The following FSTL5 variants were observed in gnomAD, a reference collection of about 807,000 sequenced individuals.
The protein encoded by FSTL5 is follistatin-related protein 5.
FSTL5 carries 62 observed loss-of-function variants against 89.1 expected under a neutral mutation model. That is an observed-to-expected ratio of 0.70 (90% CI 0.57 to 0.86). The LOEUF is 0.86. Ranked by LOEUF, FSTL5 falls within the 40% of genes least tolerant of loss-of-function variation. The pLI, the probability that FSTL5 is intolerant of heterozygous loss-of-function variation, is 0.00. For missense variants in FSTL5, 1,057 were observed against 1,001.6 expected, an observed-to-expected ratio of 1.06 and a Z score of -0.75; for synonymous variants, 383 against 346.2, an observed-to-expected ratio of 1.11 and a Z score of -1.18.
chr4:161,740,289 G>A (rs986674443), intron 6 of FSTL5, among the ~76,000 whole-genome samples: 2 of 151,950 alleles, frequency 1.3e-5, no homozygotes, highest in African/African-American at 4.8e-5. Flanking sequence ...CAAAGTGCTG[G>A]GATTACAGGT....
At chr4:161,493,246 G>T (rs1030649726) in intron 12 of FSTL5, among the ~76,000 whole-genome samples, 1 of 151,644 alleles carries the variant, frequency 6.6e-6, no homozygotes, top group East Asian at 1.9e-4. Context: ...TATTTAGAAA[G>T]AAAAAGTTAT....
Position 161,459,295 on chromosome 4 carries a change from C to G in FSTL5, c.1633G>C (p.Val545Leu). 2 of 1,612,990 alleles carry G rather than the reference C, an allele frequency of 1.2e-6. No individual in the cohort carries two copies. Among genetic ancestry groups the G allele is most frequent in the Non-Finnish European group, 1.7e-6 (2 of 1,179,196 alleles). The change falls in exon 14 of 16, where the codon GTT (valine) becomes CTT (leucine). Residue 545 changes from valine to leucine, a missense_variant. Transcript: ENST00000306100. Reference protein sequence around the residue: ...VQAVSTDPVPVKLHYDKSHDQ... With the variant: ...VQAVSTDPVPLKLHYDKSHDQ... ...TGTGATTTGTCATAGTGTAATTTAACTGGGACAGGGTCTGTGCTCACTGCC... is the reference window on the plus strand; with the variant it reads ...TGTGATTTGTCATAGTGTAATTTAAGTGGGACAGGGTCTGTGCTCACTGCC...
intron 4 of FSTL5, among the ~76,000 whole-genome samples, chr4:161,802,984 T>C (rs184705530): frequency 2.6e-5 from 4 of 151,922 alleles, no homozygotes; most frequent in African/African-American, 9.7e-5. Context: ...ACACACATAT[T>C]GAGCTTTTTG....
At chr4:161,668,268 G>C (rs56261280) in intron 6 of FSTL5, among the ~76,000 whole-genome samples, 9,449 of 152,094 alleles carry the variant, frequency 0.062, 388 homozygotes, top group East Asian at 0.21. Context: ...TGATAACCTA[G>C]GTTAAATGGA....
intron 2 of FSTL5, among the ~76,000 whole-genome samples, chr4:162,059,333 G>T (rs572255740): frequency 1.3e-5 from 2 of 152,082 alleles, no homozygotes; most frequent in African/African-American, 4.8e-5. Flanking sequence ...AGGACATCAC[G>T]CATGGTAGAA....
chr4:161,860,667 A>G (rs1467325750), intron 4 of FSTL5, among the ~76,000 whole-genome samples: 1 of 152,140 alleles, frequency 6.6e-6, no homozygotes, highest in Non-Finnish European at 1.5e-5. Flanking sequence ...AGTTTTTTAC[A>G]TTTATATTCT....
At chr4:161,840,513 CA>C (rs1266991527) in intron 4 of FSTL5, among the ~76,000 whole-genome samples, 1 of 152,094 alleles carries the variant, frequency 6.6e-6, no homozygotes, top group African/African-American at 2.4e-5. Flanking sequence ...TTTTCATTCT[CA>C]AGACTAATCC....
chr4:161,794,400 T>C (rs760312221), intron 4 of FSTL5, among the ~76,000 whole-genome samples: 3 of 152,224 alleles, frequency 2.0e-5, no homozygotes, highest in Non-Finnish European at 4.4e-5. Context: ...TCACTCACAT[T>C]GGCCTAGTAG....
At chr4:162,006,638 C>T (rs1183525496) in intron 3 of FSTL5, among the ~76,000 whole-genome samples, 7 of 151,928 alleles carry the variant, frequency 4.6e-5, no homozygotes, top group South Asian at 2.1e-4. Context: ...TCTAAATCTC[C>T]GGTATTACTC....
intron 15 of FSTL5, among the ~76,000 whole-genome samples, chr4:161,409,704 C>T (rs1157487196): frequency 6.6e-6 from 1 of 152,142 alleles, no homozygotes; most frequent in African/African-American, 2.4e-5. Flanking sequence ...ACTAGACCAT[C>T]TTTACAAAAG....
chr4:161,663,549 T>C (rs1013188664), intron 6 of FSTL5, among the ~76,000 whole-genome samples: 6 of 152,122 alleles, frequency 3.9e-5, no homozygotes, highest in Non-Finnish European at 8.8e-5. Context: ...TGGGATCCCA[T>C]GGTCTTGGTC....
chr4:161,521,842 C>G (rs1030254080), intron 10 of FSTL5, among the ~76,000 whole-genome samples: 1 of 112,188 alleles, frequency 8.9e-6, no homozygotes, highest in Non-Finnish European at 1.7e-5. Context: ...GAGCAGGACT[C>G]CACCTCAAAA....
chr4:161,404,579 T>C (rs949299028), intron 15 of FSTL5, among the ~76,000 whole-genome samples: 1 of 152,110 alleles, frequency 6.6e-6, no homozygotes, highest in African/African-American at 2.4e-5. Context: ...TATTTATTCG[T>C]TGGCTTTCAG....
At chr4:161,767,383 G>T (rs1741049689) in intron 5 of FSTL5, among the ~76,000 whole-genome samples, 1 of 152,170 alleles carries the variant, frequency 6.6e-6, no homozygotes, top group Non-Finnish European at 1.5e-5. Context: ...ATTCTTTCAA[G>T]AAAGAAAGTT....
intron 7 of FSTL5, among the ~76,000 whole-genome samples, chr4:161,609,408 ATTAT>A (rs1196251787): frequency 2.6e-5 from 4 of 152,142 alleles, no homozygotes; most frequent in African/African-American, 9.7e-5. Context: ...GATGTGTGTG[ATTAT>A]TTGTGTTATT....
intron 3 of FSTL5, among the ~76,000 whole-genome samples, chr4:162,029,651 T>C (rs1737441254): frequency 6.6e-6 from 1 of 152,116 alleles, no homozygotes; most frequent in Non-Finnish European, 1.5e-5. Flanking sequence ...TTTATCATCA[T>C]CGATTTTTTT....
In FSTL5 at chr4:162,119,548, A is replaced by G. The variant is rs549575586; in HGVS notation, c.-16-8136T>C. 4.6e-5 allele frequency among the ~76,000 whole-genome samples: 7 copies of G among 152,348 alleles called. No homozygotes were observed. The South Asian group carries it at 1.4e-3, about 32-fold the overall frequency. ...GATTTTATGCTTTAAATTGGGACAA[A>G]AATTATACCCATTTATGGGGTACAT... On this transcript the variant is annotated intron_variant, in intron 1 of 15. Transcript: ENST00000306100.
At chr4:161,826,126 T>G (rs1730658968) in intron 4 of FSTL5, among the ~76,000 whole-genome samples, 1 of 152,204 alleles carries the variant, frequency 6.6e-6, no homozygotes, top group Non-Finnish European at 1.5e-5. Context: ...CATCTTGATT[T>G]CATTATTGAC....
At chr4:162,130,071 C>A (rs567760321) in intron 1 of FSTL5, among the ~76,000 whole-genome samples, 1 of 152,224 alleles carries the variant, frequency 6.6e-6, no homozygotes, top group African/African-American at 2.4e-5. Flanking sequence ...TTTCTGAAAT[C>A]GCCCTGCCAT....
Sources: allele counts gnomAD v4.1 joint callset (sites outside exome capture counted in the v4.1 genomes callset), GRCh38; gene constraint gnomAD v4.1.1; transcripts MANE v1.5; gene names NCBI Gene and HGNC (gene_info 2026-07-23, HGNC 2026-07-21).